MCPH1: variants seen among roughly 807,000 people sequenced by gnomAD.
MCPH1 encodes the protein microcephalin.
MCPH1 carries 104 observed loss-of-function variants against 84.5 expected under a neutral mutation model. The observed-to-expected ratio is 1.23, with a 90% CI of 1.05 to 1.45. The LOEUF is 1.45. Among genes scored for constraint, MCPH1 ranks in the 40% most tolerant of loss-of-function variants. MCPH1 has a pLI of 0.00. For synonymous variants in MCPH1, 514 were observed against 366.8 expected (o/e 1.40, Z -4.58); for missense variants, 1,498 against 1,005.7 (o/e 1.49, Z -6.62).
At chr8:6,520,656 A>G (rs1817145932) in intron 12 of MCPH1, among the ~76,000 whole-genome samples, 2 of 152,148 alleles carry the variant, frequency 1.3e-5, no homozygotes, top group South Asian at 4.1e-4. Flanking sequence ...TCAGCCTCCC[A>G]AAGTGCTGCA....
rs187266414 is a variant in MCPH1, at chr8:6,416,986, A to G, written c.233+2103A>G. 0.017 allele frequency among the ~76,000 whole-genome samples: 2,441 copies of G among 142,818 alleles called. 118 individuals are homozygous for G. The East Asian group carries it at 0.18, about 11-fold the overall frequency. 93.7% of individuals were successfully genotyped at this position (142,818 alleles called of 152,430 possible). ...TTTAGCCTGGGCGACAAGAGCGGGG[A>G]AAAAAAAAAAAGAGTAAGGGGTCCT... On this transcript the variant is annotated intron_variant, in intron 3 of 13. Transcript: ENST00000344683.
chr8:6,620,508 C>T (rs537477342), intron 12 of MCPH1, among the ~76,000 whole-genome samples: 9 of 152,248 alleles, frequency 5.9e-5, no homozygotes, highest in East Asian at 5.8e-4. Flanking sequence ...GAGAGGACCC[C>T]GACGTCACCC....
At chr8:6,409,009 C>A (rs1207396814) in intron 1 of MCPH1, among the ~76,000 whole-genome samples, 1 of 152,086 alleles carries the variant, frequency 6.6e-6, no homozygotes, top group African/African-American at 2.4e-5. Flanking sequence ...CCTCAGCCTC[C>A]CAGTAGCTGG....
intron 1 of MCPH1, among the ~76,000 whole-genome samples, chr8:6,408,723 T>A (rs1216952226): frequency 1.3e-5 from 2 of 151,722 alleles, no homozygotes; most frequent in African/African-American, 4.8e-5. Context: ...CATTCCTGGC[T>A]AATTAAAAAC....
At chr8:6,535,826 T>C (rs796927773) in intron 12 of MCPH1, among the ~76,000 whole-genome samples, 32 of 152,092 alleles carry the variant, frequency 2.1e-4, no homozygotes, top group African/African-American at 7.5e-4. Context: ...GGCAGGAGGA[T>C]TGCTTGCTCT....
intron 12 of MCPH1, among the ~76,000 whole-genome samples, chr8:6,617,496 G>C (rs1283829379): frequency 1.3e-5 from 2 of 151,988 alleles, no homozygotes; most frequent in Non-Finnish European, 2.9e-5. Flanking sequence ...GGTTATATCT[G>C]AGGTTTTCAC....
At chr8:6,459,924 G>C (rs561048791) in intron 9 of MCPH1, among the ~76,000 whole-genome samples, 2 of 152,202 alleles carry the variant, frequency 1.3e-5, no homozygotes, top group Non-Finnish European at 2.9e-5. Context: ...CCTTGGTGTG[G>C]CCCGGGGATG....
Position 6,508,491 on chromosome 8 carries a change from A to T in MCPH1, c.2214+8562A>T, listed in dbSNP as rs141610290. On this transcript the variant is annotated intron_variant, in intron 12 of 13. Transcript: ENST00000344683. ...CTGTGTCTGTAAATAAATAAATAAT[A>T]AATGACAGCTGGAAATTCCTTCTTT... 219 of 198,446 alleles carry T rather than the reference A, an allele frequency of 1.1e-3. 1 individual carries two copies. The highest frequency in any genetic ancestry group is 4.9e-3 in the African/African-American group (212 of 42,882). The allele number at this position is 198,446 out of a possible 1,614,324, so 12.3% of individuals were successfully genotyped here. A position where few individuals can be genotyped will look rare whatever the true frequency, so the allele number is the denominator to read the frequency against.
chr8:6,532,603 G>T, intron 12 of MCPH1: 2 of 725,152 alleles, frequency 2.8e-6, no homozygotes, highest in Non-Finnish European at 4.0e-6. Flanking sequence ...TCTATCAAAA[G>T]ACTTGTACCT....
intron 13 of MCPH1, among the ~76,000 whole-genome samples, chr8:6,621,937 T>C (rs1291845161): frequency 6.6e-6 from 1 of 152,196 alleles, no homozygotes; most frequent in Non-Finnish European, 1.5e-5. Context: ...TTGACTTCCC[T>C]GGCTCGTGTG....
chr8:6,635,263 G>A (rs536054505), intron 13 of MCPH1: 2 of 140,850 alleles, frequency 1.4e-5, no homozygotes, highest in Admixed American at 6.9e-5. Context: ...CAAGGTGATC[G>A]TGATGATACC....
intron 12 of MCPH1, among the ~76,000 whole-genome samples, chr8:6,516,795 A>C (rs989370091): frequency 4.6e-5 from 7 of 152,210 alleles, no homozygotes; most frequent in African/African-American, 1.7e-4. Context: ...TGTCAAAATT[A>C]CTGCTATGAA....
chr8:6,609,674 A>G (rs933870152), intron 12 of MCPH1, among the ~76,000 whole-genome samples: 1 of 152,202 alleles, frequency 6.6e-6, no homozygotes, highest in Non-Finnish European at 1.5e-5. Context: ...ATGCGCTTTT[A>G]CTTTTTGCAT....
intron 12 of MCPH1, among the ~76,000 whole-genome samples, chr8:6,611,683 A>T (rs1316361232): frequency 6.6e-6 from 1 of 151,970 alleles, no homozygotes; most frequent in Non-Finnish European, 1.5e-5. Flanking sequence ...CAGTGGCGCC[A>T]TCTCAGCTCC....
At chr8:6,544,803 A>G (rs1334411194) in intron 12 of MCPH1, among the ~76,000 whole-genome samples, 2 of 152,224 alleles carry the variant, frequency 1.3e-5, no homozygotes, top group African/African-American at 2.4e-5. Context: ...ACTTGAATCT[A>G]TAACATCTGC....
intron 12 of MCPH1, among the ~76,000 whole-genome samples, chr8:6,592,238 A>C (rs185320038): frequency 1.3e-5 from 2 of 151,776 alleles, no homozygotes; most frequent in Admixed American, 6.6e-5. Flanking sequence ...CTGCAGCTCA[A>C]CCTCTCGGGC....
At chr8:6,541,124 T>C (rs1821481709) in intron 12 of MCPH1, among the ~76,000 whole-genome samples, 1 of 152,220 alleles carries the variant, frequency 6.6e-6, no homozygotes, top group South Asian at 2.1e-4. Flanking sequence ...AGGCAAGGCC[T>C]GTCTCTGAGA....
At chr8:6,446,997 C>T (rs1439367785) in intron 8 of MCPH1, 5 of 946,688 alleles carry the variant, frequency 5.3e-6, no homozygotes, top group Non-Finnish European at 6.2e-6. Context: ...GTGGTGCAGG[C>T]CATCAGGCAG....
At chr8:6,499,485 A>G (rs1296160676) in intron 11 of MCPH1, among the ~76,000 whole-genome samples, 1 of 152,204 alleles carries the variant, frequency 6.6e-6, no homozygotes. Context: ...GTTTTAATTA[A>G]TAAAAGTCTG....
Sources: gnomAD v4.1 joint callset for allele counts (sites outside exome capture counted in the v4.1 genomes callset) on GRCh38, gnomAD v4.1.1 for gene constraint, MANE v1.5 for transcripts, NCBI Gene and HGNC (gene_info 2026-07-23, HGNC 2026-07-21) for gene names.